Variants in TLN2 observed in about 807,000 individuals in gnomAD.
The protein encoded by TLN2 is talin-2.
Under a neutral mutation model 294.7 loss-of-function variants are expected in TLN2, and 118 were observed. That is an observed-to-expected ratio of 0.40 (90% CI 0.34 to 0.47). The LOEUF (loss-of-function observed/expected upper bound fraction) is 0.47. Among genes scored for constraint, TLN2 ranks in the 20% least tolerant of loss-of-function variants. The probability of loss-of-function intolerance (pLI) is 0.84; values close to 1 mark genes in which losing one functional copy is unlikely to be tolerated. For synonymous variants in TLN2, 1,431 were observed against 1,304.5 expected, an observed-to-expected ratio of 1.10 and a Z score of -2.09; for missense variants, 3,083 against 3,282.2, an observed-to-expected ratio of 0.94 and a Z score of 1.48.
intron 1 of TLN2, among the ~76,000 whole-genome samples, chr15:62,392,324 G>T (rs2140219289): frequency 6.6e-6 from 1 of 152,312 alleles, no homozygotes; most frequent in African/African-American, 2.4e-5. Context: ...AAGTGTTGGC[G>T]TTGTCAAAGA....
rs147874929 is a variant in TLN2 at position 62,700,640 on chromosome 15, C to T, written c.1588-466C>T. Among the ~76,000 whole-genome samples the T allele has an allele frequency of 7.9e-5, 12 of 152,252 alleles. 1 individual carries two copies. Among genetic ancestry groups the T allele is most frequent in the African/African-American group, 2.4e-4 (10 of 41,522 alleles). On this transcript the variant is annotated intron_variant, in intron 16 of 58. Transcript: ENST00000636159. ...CCTTAGTTGTCTTTACGACAATGCA[C>T]GTTGTAAGCAAGAGGCATTTCCTAC...
At chr15:62,697,616 A>T in intron 14 of TLN2, 72 bp from the exon 15 acceptor site, 1 of 1,494,742 alleles carries the variant, frequency 6.7e-7, no homozygotes, top group Non-Finnish European at 9.0e-7. Flanking sequence ...CATACGTGAC[A>T]TCTGTGGGGT....
intron 41 of TLN2, among the ~76,000 whole-genome samples, chr15:62,767,154 T>C (rs1422574398): frequency 6.6e-6 from 1 of 152,210 alleles, no homozygotes; most frequent in East Asian, 1.9e-4. Flanking sequence ...CAAAATCTTC[T>C]TGGCAGGTAT....
chr15:62,655,486 T>C (rs1010768271), intron 7 of TLN2, among the ~76,000 whole-genome samples: 2 of 152,184 alleles, frequency 1.3e-5, no homozygotes, highest in Admixed American at 1.3e-4. Context: ...AGAGGTAACT[T>C]ACTATGCTCA....
chr15:62,813,212 T>G (rs1478634118), intron 52 of TLN2, among the ~76,000 whole-genome samples: 1 of 152,228 alleles, frequency 6.6e-6, no homozygotes, highest in Non-Finnish European at 1.5e-5. Flanking sequence ...TTCCTTGTAT[T>G]TTTTGTAGAA....
At position 62,809,977 on chromosome 15, in the gene TLN2, G is replaced by T; in HGVS notation, c.6716G>T (p.Arg2239Leu). 4.3e-6 allele frequency: 7 copies of T among 1,614,068 alleles called. No homozygotes were observed. Among genetic ancestry groups the T allele is most frequent in the Non-Finnish European group, 5.9e-6 (7 of 1,180,034 alleles). The change falls in exon 52 of 59, where the codon CGT (arginine) becomes CTT (leucine). Residue 2239 changes from arginine (R) to leucine (L), a missense_variant. Transcript: ENST00000636159. ...GACGAGGTGAGAACCAGAGCCTTGC[G>T]TTTCGGGACGGAGTGCACCCTTGGC... ...VSDEVRTRAL[R>L]FGTECTLGYL...
chr15:62,611,445 G>T (rs998035724), intron 2 of TLN2, among the ~76,000 whole-genome samples: 9 of 152,216 alleles, frequency 5.9e-5, no homozygotes, highest in Non-Finnish European at 1.2e-4. Context: ...GTAGTCCCCA[G>T]AGGGCAAGGG....
At chr15:62,678,533 A>C (rs1053548937) in intron 11 of TLN2, among the ~76,000 whole-genome samples, 14 of 152,300 alleles carry the variant, frequency 9.2e-5, no homozygotes, top group African/African-American at 3.4e-4. Context: ...GAAATGCTAG[A>C]GAGAAATCTA....
At chr15:62,658,747 C>G (rs1054280494) in intron 9 of TLN2, among the ~76,000 whole-genome samples, 6 of 152,180 alleles carry the variant, frequency 3.9e-5, no homozygotes, top group Non-Finnish European at 7.4e-5. Flanking sequence ...CCTCGGGAAG[C>G]TTCCCCTTCT....
chr15:62,800,221 C>G, intron 48 of TLN2, 147 bp from the exon 49 acceptor site: 2 of 1,318,682 alleles, frequency 1.5e-6, no homozygotes, highest in Non-Finnish European at 2.1e-6. Context: ...CCAAGGGTGG[C>G]TTCCCAGGAG....
At chr15:62,596,457 A>G (rs1024534468) in intron 2 of TLN2, among the ~76,000 whole-genome samples, 2 of 151,996 alleles carry the variant, frequency 1.3e-5, no homozygotes, top group African/African-American at 4.8e-5. Flanking sequence ...TTTAATTACA[A>G]AGCTGGGTGC....
At chr15:62,551,222 C>T (rs1329023087) in intron 1 of TLN2, among the ~76,000 whole-genome samples, 4 of 152,230 alleles carry the variant, frequency 2.6e-5, no homozygotes, top group African/African-American at 4.8e-5. Context: ...GATGAAGCTT[C>T]GCTTGCTTGC....
intron 1 of TLN2, among the ~76,000 whole-genome samples, chr15:62,554,208 C>A (rs981025110): frequency 6.6e-6 from 1 of 151,524 alleles, no homozygotes; most frequent in African/African-American, 2.4e-5. Flanking sequence ...ACCCCTGCCC[C>A]CCTCACTGTG....
chr15:62,442,610 C>T (rs1297775926), intron 1 of TLN2, among the ~76,000 whole-genome samples: 1 of 151,050 alleles, frequency 6.6e-6, no homozygotes, highest in African/African-American at 2.4e-5. Flanking sequence ...AATCCCCATA[C>T]ATTTTGGTGA....
chr15:62,538,829 C>T (rs999031485), intron 1 of TLN2, among the ~76,000 whole-genome samples: 2 of 152,088 alleles, frequency 1.3e-5, no homozygotes, highest in South Asian at 2.1e-4. Context: ...TTTCTAAGAA[C>T]AAATGGAATG....
rs57890839 is a variant in TLN2, at chr15:62,465,104, G to GTTTTTTTTTTTTTT, written c.-238+74429_-238+74442dup. ...TACTTGGGAAACTTGTGGTGAGCGC[G>GTTTTTTTTTTTTTT]TTTTTTTTTTTTTTTTTTTTTTTGG... On this transcript the variant is annotated intron_variant, in intron 1 of 58. Transcript: ENST00000636159. 1.2e-4 allele frequency among the ~76,000 whole-genome samples: 10 copies of GTTTTTTTTTTTTTT among 85,518 alleles called. 1 individual carries two copies. Among genetic ancestry groups the GTTTTTTTTTTTTTT allele is most frequent in the Non-Finnish European group, 1.5e-4 (7 of 46,554 alleles). 56.1% of individuals were successfully genotyped at this position (85,518 alleles called of 152,430 possible).
chr15:62,730,298 C>A (rs1479244202), intron 28 of TLN2, among the ~76,000 whole-genome samples: 1 of 152,100 alleles, frequency 6.6e-6, no homozygotes, highest in Non-Finnish European at 1.5e-5. Context: ...CCTCAGCCTC[C>A]CAAAGTGCTG....
At chr15:62,396,442 CAATT>C (rs1416679313) in intron 1 of TLN2, among the ~76,000 whole-genome samples, 2 of 152,156 alleles carry the variant, frequency 1.3e-5, no homozygotes, top group African/African-American at 2.4e-5. Context: ...TGGAAATTTT[CAATT>C]AATTATTTTC....
intron 1 of TLN2, among the ~76,000 whole-genome samples, chr15:62,587,562 C>G (rs535380150): frequency 9.2e-5 from 14 of 152,278 alleles, no homozygotes; most frequent in Non-Finnish European, 1.0e-4. Flanking sequence ...TTTTCAATGT[C>G]TATGTGGTTT....
Sources: allele counts gnomAD v4.1 joint callset (sites outside exome capture counted in the v4.1 genomes callset), GRCh38; gene constraint gnomAD v4.1.1; transcripts MANE v1.5; gene names NCBI Gene and HGNC (gene_info 2026-07-23, HGNC 2026-07-21).